The following TRIP11 variants were observed in gnomAD, a reference collection of about 807,000 sequenced individuals.
TRIP11 encodes thyroid hormone receptor interactor 11.
A neutral mutation model predicts 223.1 loss-of-function variants in TRIP11; 148 were observed. That is an observed-to-expected ratio of 0.66 (90% CI 0.58 to 0.76). The LOEUF (loss-of-function observed/expected upper bound fraction) is 0.76. TRIP11 is among the 30% of genes least tolerant of loss of function. TRIP11 has a pLI of 0.00. For missense variants in TRIP11, 2,043 were observed against 2,222.0 expected, an observed-to-expected ratio of 0.92 and a Z score of 1.62; for synonymous variants, 762 against 772.6, an observed-to-expected ratio of 0.99 and a Z score of 0.23.
At chr14:91,992,845 T>G (rs915063076) in intron 15 of TRIP11, among the ~76,000 whole-genome samples, 3 of 133,852 alleles carry the variant, frequency 2.2e-5, no homozygotes, top group East Asian at 4.4e-4. Flanking sequence ...GGAGGGGGAG[T>G]TTGCAGTGAG....
intron 7 of TRIP11, 78 bp from the exon 8 acceptor site, chr14:92,011,873 C>A: frequency 2.2e-6 from 3 of 1,369,522 alleles, no homozygotes; most frequent in Non-Finnish European, 3.1e-6. Flanking sequence ...CTCAGAAATG[C>A]AACCCAATTA....
chr14:92,009,488 T>A (rs1298954955), intron 9 of TRIP11, among the ~76,000 whole-genome samples: 1 of 151,990 alleles, frequency 6.6e-6, no homozygotes, highest in African/African-American at 2.4e-5. Context: ...CCCTGCCAGG[T>A]AAGTGCAGAG....
intron 2 of TRIP11, among the ~76,000 whole-genome samples, chr14:92,029,542 C>G (rs1274303956): frequency 6.6e-6 from 1 of 152,028 alleles, no homozygotes; most frequent in Non-Finnish European, 1.5e-5. Flanking sequence ...GATCCGCCCA[C>G]TTCAGCCTCC....
In TRIP11 at chr14:92,021,700, A is replaced by G. The variant is rs761381283; in HGVS notation, c.444T>C (p.Tyr148=). The G allele has an allele frequency of 1.2e-6, 2 of 1,614,094 alleles. No individual in the cohort carries two copies. The highest frequency in any genetic ancestry group is 3.3e-5 in the Admixed American group (2 of 59,998). Residue 148 remains tyrosine (Y), a synonymous_variant, in exon 4 of 21, where the codon TAT becomes TAC. Coordinates refer to ENST00000267622, the MANE Select transcript of TRIP11 (RefSeq NM_004239.4). The part of the protein sequence containing the change: ...PATTASSSFA[Y]GISHHPSAFH... ...AAGCTGAAGGATGATGACTAATCCC[A>G]TAAGCGAATGAAGATGATGCAGTGG... is the stretch of plus-strand genomic sequence containing the variant.
Position 92,004,025 on chromosome 14 carries a change from A to T in TRIP11, c.3951T>A (p.Ser1317=), listed in dbSNP as rs2056863708. 2 of 1,614,082 alleles carry T rather than the reference A, an allele frequency of 1.2e-6. No individual in the cohort carries two copies. Among genetic ancestry groups the T allele is most frequent in the Non-Finnish European group, 1.7e-6 (2 of 1,180,044 alleles). The change falls in exon 11 of 21, where the codon TCT becomes TCA. Residue 1317 remains serine (S), a synonymous_variant. Coordinates refer to ENST00000267622, the MANE Select transcript of TRIP11 (RefSeq NM_004239.4). The part of the protein sequence containing the change: ...GKLDIISPQL[S]SASLLTPQSA... The stretch of plus-strand genomic sequence containing the variant: ...ACTGGGGAGTAAGCAATGATGCAGA[A>T]GACAGCTGGGGTGAAATAATATCAA...
At chr14:92,025,981 G>T (rs898922366) in intron 2 of TRIP11, among the ~76,000 whole-genome samples, 6 of 151,858 alleles carry the variant, frequency 4.0e-5, no homozygotes, top group Non-Finnish European at 7.4e-5. Context: ...TTGATTTTCT[G>T]CTAAGAAAAG....
intron 15 of TRIP11, 116 bp from the exon 16 acceptor site, chr14:91,988,499 T>C (rs1239071671): frequency 3.5e-6 from 3 of 859,810 alleles, no homozygotes; most frequent in Admixed American, 2.1e-5. Flanking sequence ...TGCACCTCTA[T>C]GACCTTGGGC....
intron 15 of TRIP11, among the ~76,000 whole-genome samples, chr14:91,993,329 AGCTG>A (rs1416725974): frequency 6.6e-6 from 1 of 151,858 alleles, no homozygotes; most frequent in Non-Finnish European, 1.5e-5. Flanking sequence ...ATACAAAATT[AGCTG>A]GGTATGATGG....
At chr14:92,027,229 C>T (rs184238994) in intron 2 of TRIP11, among the ~76,000 whole-genome samples, 63 of 151,272 alleles carry the variant, frequency 4.2e-4, no homozygotes, top group African/African-American at 1.4e-3. Flanking sequence ...AACCAGCCTT[C>T]GGAGTGTTCT....
At chr14:92,014,701 T>C (rs1251891356) in intron 6 of TRIP11, 124 bp from the exon 7 acceptor site, 3 of 1,035,184 alleles carry the variant, frequency 2.9e-6, no homozygotes, top group Non-Finnish European at 4.1e-6. Context: ...TAAATTACTA[T>C]AATAAACTAA....
chr14:92,018,097 CTTT>C (rs560446477), intron 4 of TRIP11, among the ~76,000 whole-genome samples: 8 of 139,276 alleles, frequency 5.7e-5, no homozygotes, highest in Admixed American at 1.4e-4. Flanking sequence ...TTTTTCCTTT[CTTT>C]TTTTTTTTTT....
Position 92,014,582 on chromosome 14 carries a change from A to T in TRIP11, c.824-5T>A, listed in dbSNP as rs1334504239. On this transcript the variant is annotated splice_region_variant and splice_polypyrimidine_tract_variant and intron_variant, in intron 6 of 20. Transcript: ENST00000267622. ...TTTCTATAACTCCAGAGCCACCTAGAACATAAACACAAAACAATGACATCA... is the reference window on the plus strand; with the variant it reads ...TTTCTATAACTCCAGAGCCACCTAGTACATAAACACAAAACAATGACATCA... 6.2e-7 allele frequency: 1 copy of T among 1,601,344 alleles called. No individual in the cohort carries two copies. Among genetic ancestry groups the T allele is most frequent in the African/African-American group, 1.3e-5 (1 of 74,484 alleles).
chr14:91,982,318 T>C (rs1383088559), intron 16 of TRIP11, among the ~76,000 whole-genome samples: 1 of 152,242 alleles, frequency 6.6e-6, no homozygotes, highest in Non-Finnish European at 1.5e-5. Flanking sequence ...AGTGGTTATA[T>C]ACTTGTTACT....
intron 15 of TRIP11, among the ~76,000 whole-genome samples, chr14:91,989,694 G>T (rs1318352728): frequency 6.6e-6 from 1 of 151,862 alleles, no homozygotes; most frequent in African/African-American, 2.4e-5. Flanking sequence ...AATCAAATAT[G>T]ATCTAGATGT....
rs376783690 is a variant in TRIP11, at chr14:92,004,044, A to G, written c.3932T>C (p.Ile1311Thr). 6.1e-5 allele frequency: 99 copies of G among 1,614,086 alleles called. No homozygotes were observed. The highest frequency in any genetic ancestry group is 8.2e-5 in the Non-Finnish European group (97 of 1,180,028). ...TKDLLLGKLD[I>T]ISPQLSSASL... ...TGCAGAAGACAGCTGGGGTGAAATA[A>G]TATCAAGTTTTCCTAAAAGAAGATC... Residue 1311 changes from isoleucine to threonine, a missense_variant, in exon 11 of 21, where the codon ATT becomes ACT. Ile to Thr is a moderately conservative substitution (Grantham distance 89, BLOSUM62 -1). Coordinates refer to ENST00000267622, the MANE Select transcript of TRIP11 (RefSeq NM_004239.4).
At chr14:92,015,401 G>A (rs1381555294) in intron 6 of TRIP11, among the ~76,000 whole-genome samples, 2 of 151,968 alleles carry the variant, frequency 1.3e-5, no homozygotes, top group Non-Finnish European at 2.9e-5. Context: ...GCTCATGCCT[G>A]TAATCCTAGC....
chr14:91,974,122 A>G (rs1490587441), intron 19 of TRIP11, among the ~76,000 whole-genome samples: 1 of 152,216 alleles, frequency 6.6e-6, no homozygotes, highest in Non-Finnish European at 1.5e-5. Flanking sequence ...AGAGCCTACA[A>G]CATACCAGGC....
chr14:91,982,577 A>G (rs558328390), intron 16 of TRIP11, among the ~76,000 whole-genome samples: 30 of 152,342 alleles, frequency 2.0e-4, no homozygotes, highest in African/African-American at 7.2e-4. Flanking sequence ...TAATAAACCT[A>G]TACAAGTAAC....
In TRIP11 at chr14:91,978,139, G is replaced by A. The variant is rs965429270; in HGVS notation, c.5261-1950C>T. 6.6e-6 allele frequency among the ~76,000 whole-genome samples: 1 copy of A among 152,122 alleles called. No individual in the cohort carries two copies. The highest frequency in any genetic ancestry group is 1.5e-5 in the Non-Finnish European group (1 of 68,030). On this transcript the variant is annotated intron_variant, in intron 16 of 20. Transcript: ENST00000267622. This position sits in a 1 kb window ranked among gnomAD's most constrained non-coding sequence, Gnocchi z 4.4. Reference sequence around the variant, plus strand: ...CACTTTAGATTCCTAATGTGCACATGTATACTACTAGCACATGGTGTTATC... The same window carrying A: ...CACTTTAGATTCCTAATGTGCACATATATACTACTAGCACATGGTGTTATC...
Sources: gnomAD v4.1 joint callset for allele counts (sites outside exome capture counted in the v4.1 genomes callset) on GRCh38, gnomAD v4.1.1 for gene constraint, Gnocchi (gnomAD v3.1) non-coding constraint, MANE v1.5 for transcripts, NCBI Gene and HGNC (gene_info 2026-07-23, HGNC 2026-07-21) for gene names.